The following HECW2 variants were observed in gnomAD, a reference collection of about 807,000 sequenced individuals.
HECW2 encodes the protein E3 ubiquitin-protein ligase HECW2.
HECW2 carries 61 observed loss-of-function variants against 175.2 expected under a neutral mutation model. That is an observed-to-expected ratio of 0.35 (90% CI 0.28 to 0.43). The LOEUF (loss-of-function observed/expected upper bound fraction) is 0.43, where lower values mean the gene tolerates loss of function less well. HECW2 is among the 20% of genes least tolerant of loss of function. The probability of loss-of-function intolerance (pLI) is 1.00; values close to 1 mark genes in which losing one functional copy is unlikely to be tolerated. For missense variants in HECW2, 1,524 were observed against 2,000.5 expected, an observed-to-expected ratio of 0.76 and a Z score of 4.54; for synonymous variants, 671 against 731.0, an observed-to-expected ratio of 0.92 and a Z score of 1.32.
intron 1 of HECW2, among the ~76,000 whole-genome samples, chr2:196,492,265 G>A (rs1026580734): frequency 2.6e-5 from 4 of 152,158 alleles, no homozygotes; most frequent in African/African-American, 9.7e-5. Flanking sequence ...GTGTCACTTT[G>A]TTACCCAACA....
chr2:196,488,701 G>C, intron 1 of HECW2, among the ~76,000 whole-genome samples: 1 of 151,628 alleles, frequency 6.6e-6, no homozygotes, highest in Non-Finnish European at 1.5e-5. Flanking sequence ...AGGGGGAAAG[G>C]AATAAAATTT....
intron 18 of HECW2, among the ~76,000 whole-genome samples, chr2:196,255,858 A>C (rs958532816): frequency 4.6e-5 from 7 of 152,212 alleles, no homozygotes; most frequent in African/African-American, 1.7e-4. Context: ...GGATTGCCTG[A>C]GCTCAGGAGT....
At chr2:196,369,745 T>C (rs1479217500) in intron 2 of HECW2, among the ~76,000 whole-genome samples, 1 of 152,030 alleles carries the variant, frequency 6.6e-6, no homozygotes, top group East Asian at 1.9e-4. Context: ...CAAGACAAAG[T>C]CCTTCCACTC....
intron 19 of HECW2, among the ~76,000 whole-genome samples, chr2:196,252,044 C>T (rs572001644): frequency 6.6e-6 from 1 of 151,834 alleles, no homozygotes; most frequent in South Asian, 2.1e-4. Context: ...ACTAAAAATA[C>T]AAAAATTTGC....
chr2:196,493,817 C>T (rs13387145), intron 1 of HECW2, among the ~76,000 whole-genome samples: 1 of 152,076 alleles, frequency 6.6e-6, no homozygotes, highest in Non-Finnish European at 1.5e-5. Context: ...GAGGGAGAAG[C>T]CTTTTATGCT....
intron 17 of HECW2, among the ~76,000 whole-genome samples, chr2:196,268,746 A>G (rs7561698): frequency 0.28 from 42,187 of 152,128 alleles, 6,205 homozygotes; most frequent in African/African-American, 0.38. Context: ...AACTAGTGGC[A>G]TGTGTTGGTT....
intron 1 of HECW2, among the ~76,000 whole-genome samples, chr2:196,474,959 A>G (rs1686511792): frequency 6.6e-6 from 1 of 151,914 alleles, no homozygotes; most frequent in Admixed American, 6.6e-5. Context: ...CTGATCCTCA[A>G]CTCTCTGGGC....
intron 1 of HECW2, among the ~76,000 whole-genome samples, chr2:196,459,772 C>T (rs1257907904): frequency 6.6e-6 from 1 of 152,148 alleles, no homozygotes; most frequent in Non-Finnish European, 1.5e-5. Flanking sequence ...GGCCAGTCCA[C>T]GGAGGATGTG....
chr2:196,424,853 T>C (rs562600212), intron 2 of HECW2, among the ~76,000 whole-genome samples: 1 of 152,316 alleles, frequency 6.6e-6, no homozygotes, highest in East Asian at 1.9e-4. Context: ...CTAGCTAAGA[T>C]CATTGATTAA....
chr2:196,387,655 C>T (rs1694387765), intron 2 of HECW2, among the ~76,000 whole-genome samples: 1 of 152,120 alleles, frequency 6.6e-6, no homozygotes, highest in South Asian at 2.1e-4. Flanking sequence ...TAAAAACATA[C>T]TCTTGAAAAT....
chr2:196,350,595 T>C (rs746803133), intron 2 of HECW2, among the ~76,000 whole-genome samples: 1 of 152,236 alleles, frequency 6.6e-6, no homozygotes, highest in Admixed American at 6.5e-5. Flanking sequence ...TCTTTGACCA[T>C]TGTCCCTCTC....
At position 196,307,903 on chromosome 2, in the gene HECW2, T is replaced by C. The variant is rs981073091; in HGVS notation, c.2585+32A>G. The C allele has an allele frequency of 4.7e-6, 7 of 1,473,928 alleles. No individual in the cohort carries two copies. The African/African-American group carries it at 9.8e-5, about 21-fold the overall frequency. 91.3% of individuals were successfully genotyped at this position (1,473,928 alleles called of 1,614,324 possible). On this transcript the variant is annotated intron_variant, in intron 11 of 28. Coordinates refer to ENST00000644978, the MANE Select transcript of HECW2 (RefSeq NM_001348768.2). ...AGTAAAAATTAGCCCAACCACAAAA[T>C]ACAACAGTCACAGCAAAATGTTCAT...
intron 1 of HECW2, among the ~76,000 whole-genome samples, chr2:196,550,334 T>C (rs1485513800): frequency 4.6e-5 from 7 of 152,042 alleles, no homozygotes; most frequent in Non-Finnish European, 8.8e-5. Flanking sequence ...GTTCGAACAG[T>C]GATGTGACTC....
intron 13 of HECW2, among the ~76,000 whole-genome samples, chr2:196,302,603 G>A (rs941810062): frequency 6.6e-6 from 1 of 152,088 alleles, no homozygotes; most frequent in Non-Finnish European, 1.5e-5. Context: ...TTGAGCAGTG[G>A]TTTGTAGTTT....
chr2:196,576,508 T>A (rs116200288), intron 1 of HECW2, among the ~76,000 whole-genome samples: 2,727 of 152,190 alleles, frequency 0.018, 36 homozygotes, highest in Middle Eastern at 0.048. Context: ...TCGAAAACAG[T>A]CCAACTCAGA....
intron 2 of HECW2, among the ~76,000 whole-genome samples, chr2:196,360,680 C>G (rs778873128): frequency 6.6e-6 from 1 of 152,082 alleles, no homozygotes; most frequent in African/African-American, 2.4e-5. Flanking sequence ...TGCATATGTA[C>G]CCCTGAACCT....
chr2:196,538,149 G>A (rs1689082946), intron 1 of HECW2, among the ~76,000 whole-genome samples: 1 of 152,160 alleles, frequency 6.6e-6, no homozygotes, highest in Admixed American at 6.5e-5. Context: ...TACAAAGATT[G>A]CTCCCCTGTA....
At chr2:196,469,415 G>C (rs1697106786) in intron 1 of HECW2, among the ~76,000 whole-genome samples, 1 of 151,992 alleles carries the variant, frequency 6.6e-6, no homozygotes, top group Admixed American at 6.6e-5. Context: ...AATGCAACTG[G>C]GGAGGAACAC....
At chr2:196,361,448 G>A (rs571315336) in intron 2 of HECW2, among the ~76,000 whole-genome samples, 14 of 152,036 alleles carry the variant, frequency 9.2e-5, no homozygotes, top group African/African-American at 9.7e-5. Context: ...ACAGATAACC[G>A]GCCATGAAAT....
Sources: gnomAD v4.1 joint callset for allele counts (sites outside exome capture counted in the v4.1 genomes callset) on GRCh38, gnomAD v4.1.1 for gene constraint, MANE v1.5 for transcripts, NCBI Gene and HGNC (gene_info 2026-07-23, HGNC 2026-07-21) for gene names.